Variants in ALK observed in about 807,000 individuals in gnomAD.
The protein encoded by ALK is ALK receptor tyrosine kinase.
Under a neutral mutation model 163.1 loss-of-function variants are expected in ALK, and 74 were observed. The observed-to-expected ratio is 0.45, with a 90% CI of 0.38 to 0.55. The LOEUF is 0.55. ALK is among the 20% of genes least tolerant of loss of function. The pLI, the probability that ALK is intolerant of heterozygous loss-of-function variation, is 0.00. For synonymous variants in ALK, 960 were observed against 843.2 expected, an observed-to-expected ratio of 1.14 and a Z score of -2.40; for missense variants, 2,063 against 2,105.3, an observed-to-expected ratio of 0.98 and a Z score of 0.39.
intron 11 of ALK, among the ~76,000 whole-genome samples, chr2:29,256,707 C>T (rs776847020): frequency 5.3e-5 from 8 of 151,874 alleles, no homozygotes; most frequent in Non-Finnish European, 1.2e-4. Context: ...AGGCAGGCCA[C>T]TATGAGGGGA....
chr2:29,821,210 G>A lies in ALK; in HGVS notation c.667+98783C>T, dbSNP rs140025063. ...AGAGGAAGGTTGTGAGAATAATGGC[G>A]GGTGCTCTCCCCACCAACCACCCAT... On this transcript the variant is annotated intron_variant, in intron 1 of 28. Transcript: ENST00000389048. Among the ~76,000 whole-genome samples, 491 of 152,164 alleles carry A rather than the reference G, an allele frequency of 3.2e-3. 2 individuals carry two copies. The highest frequency in any genetic ancestry group is 4.8e-3 in the Non-Finnish European group (327 of 68,004).
At chr2:29,252,075 C>T (rs1245908739) in intron 11 of ALK, among the ~76,000 whole-genome samples, 1 of 152,120 alleles carries the variant, frequency 6.6e-6, no homozygotes, top group East Asian at 1.9e-4. Context: ...CTCCTTTTCC[C>T]AGCTCCCCCT....
intron 11 of ALK, among the ~76,000 whole-genome samples, chr2:29,265,702 T>C (rs938690692): frequency 6.6e-6 from 1 of 152,142 alleles, no homozygotes; most frequent in African/African-American, 2.4e-5. Flanking sequence ...TAAAAACAAA[T>C]CAGAGCTGGG....
chr2:29,661,901 G>A (rs1225294744), intron 3 of ALK, among the ~76,000 whole-genome samples: 1 of 151,772 alleles, frequency 6.6e-6, no homozygotes, highest in South Asian at 2.1e-4. Context: ...ATGAATATCT[G>A]TTTTGTTTTA....
chr2:29,869,613 A>C (rs751503189), intron 1 of ALK, among the ~76,000 whole-genome samples: 2 of 152,214 alleles, frequency 1.3e-5, no homozygotes, highest in Non-Finnish European at 2.9e-5. Context: ...ATAAATCAAA[A>C]AACTTTATAT....
chr2:29,497,980 T>C (rs1480535311), intron 4 of ALK, among the ~76,000 whole-genome samples: 1 of 152,192 alleles, frequency 6.6e-6, no homozygotes, highest in Non-Finnish European at 1.5e-5. Context: ...TAAGTAATAA[T>C]AGTAGAAGTC....
At chr2:29,309,165 T>C (rs1005523465) in intron 8 of ALK, among the ~76,000 whole-genome samples, 6 of 152,134 alleles carry the variant, frequency 3.9e-5, no homozygotes, top group Non-Finnish European at 8.8e-5. Flanking sequence ...AAAAAGTAGA[T>C]GTGGGGCACA....
At chr2:29,862,816 A>G (rs1462223295) in intron 1 of ALK, among the ~76,000 whole-genome samples, 1 of 130,922 alleles carries the variant, frequency 7.6e-6, no homozygotes, top group Non-Finnish European at 1.8e-5. Flanking sequence ...TAGCCAAAGC[A>G]ATCTTGAGAA....
At chr2:29,761,536 C>A in intron 1 of ALK, among the ~76,000 whole-genome samples, 1 of 152,178 alleles carries the variant, frequency 6.6e-6, no homozygotes, top group East Asian at 1.9e-4. Flanking sequence ...TTTAAAAGCA[C>A]AAAGGAAGAG....
intron 3 of ALK, among the ~76,000 whole-genome samples, chr2:29,564,233 C>T (rs774991253): frequency 1.3e-5 from 2 of 151,356 alleles, no homozygotes; most frequent in African/African-American, 2.4e-5. Context: ...ATACTTGGCA[C>T]CCCATGAACA....
chr2:29,358,522 A>G (rs1484980101), intron 5 of ALK, among the ~76,000 whole-genome samples: 2 of 152,328 alleles, frequency 1.3e-5, no homozygotes, highest in East Asian at 3.9e-4. Context: ...GTTTCCCAGC[A>G]TGTGGCCCCC....
chr2:29,776,880 G>C (rs1336714428), intron 1 of ALK, among the ~76,000 whole-genome samples: 1 of 152,178 alleles, frequency 6.6e-6, no homozygotes, highest in African/African-American at 2.4e-5. Flanking sequence ...TAGAAGCTAA[G>C]AAAATTTCAG....
chr2:29,200,790 CAT>C (rs1437933234), intron 26 of ALK, among the ~76,000 whole-genome samples: 2 of 61,248 alleles, frequency 3.3e-5, no homozygotes, highest in African/African-American at 5.0e-5. Flanking sequence ...TATGTATATA[CAT>C]GTATACATAT....
chr2:29,393,514 C>T (rs1669230041), intron 4 of ALK, among the ~76,000 whole-genome samples: 1 of 152,170 alleles, frequency 6.6e-6, no homozygotes, highest in Non-Finnish European at 1.5e-5. Flanking sequence ...AACCCACAGG[C>T]TTGCTAGGTT....
intron 5 of ALK, among the ~76,000 whole-genome samples, chr2:29,348,470 G>A (rs557006051): frequency 3.3e-5 from 5 of 152,226 alleles, no homozygotes; most frequent in Non-Finnish European, 7.3e-5. Context: ...GAGGTGAGAA[G>A]CTGGCCTTGT....
At chr2:29,345,126 G>T (rs1248121467) in intron 5 of ALK, among the ~76,000 whole-genome samples, 1 of 152,106 alleles carries the variant, frequency 6.6e-6, no homozygotes, top group Admixed American at 6.6e-5. Context: ...GGGCGCAGTG[G>T]CTCACATCTG....
chr2:29,585,667 A>G (rs1674865487), intron 3 of ALK, among the ~76,000 whole-genome samples: 1 of 152,160 alleles, frequency 6.6e-6, no homozygotes, highest in Non-Finnish European at 1.5e-5. Context: ...TATACCATAT[A>G]CAAATTTTTA....
chr2:29,517,140 G>A (rs576109414), intron 4 of ALK, among the ~76,000 whole-genome samples: 5 of 152,200 alleles, frequency 3.3e-5, no homozygotes, highest in African/African-American at 9.6e-5. Flanking sequence ...GGAAAAAATG[G>A]ATAGAAACAC....
At chr2:29,394,370 TA>T (rs1669252845) in intron 4 of ALK, among the ~76,000 whole-genome samples, 1 of 151,832 alleles carries the variant, frequency 6.6e-6, no homozygotes, top group Non-Finnish European at 1.5e-5. Context: ...AGAAGACTTC[TA>T]ATCAAGAGTA....
Sources: allele counts gnomAD v4.1 joint callset (sites outside exome capture counted in the v4.1 genomes callset), GRCh38; gene constraint gnomAD v4.1.1; transcripts MANE v1.5; gene names NCBI Gene and HGNC (gene_info 2026-07-23, HGNC 2026-07-21).